Variants in MMP28 observed in about 807,000 individuals in gnomAD.
MMP28 encodes matrix metalloproteinase-28.
In MMP28, 55 loss-of-function variants were observed where a neutral mutation model predicts 60.5. The observed-to-expected ratio is 0.91, with a 90% CI of 0.73 to 1.14. The LOEUF (loss-of-function observed/expected upper bound fraction) is 1.14, where lower values mean the gene tolerates loss of function less well. Among genes scored for constraint, MMP28 ranks in the 50% most tolerant of loss-of-function variants. The pLI is 0.00. For missense variants in MMP28, 686 were observed against 738.3 expected (o/e 0.93, Z 0.82); for synonymous variants, 318 against 312.5 (o/e 1.02, Z -0.18).
intron 1 of MMP28, among the ~76,000 whole-genome samples, chr17:35,793,161 C>A (rs1216207882): frequency 6.6e-6 from 1 of 152,162 alleles, no homozygotes; most frequent in Non-Finnish European, 1.5e-5. Flanking sequence ...AAAATATTTT[C>A]TTGTTCTCAG....
chr17:35,766,687 C>G lies in MMP28; in HGVS notation c.1376G>C (p.Trp459Ser), dbSNP rs531295060. ...EPYYPRSLQD[W>S]GGIPEEVSGA... ...GCTGACCTCCTCAGGGATGCCTCCC[C>G]AGTCCTGCAGACTTCGGGGGTAGTA... The change falls in exon 8 of 8, where the codon TGG (tryptophan) becomes TCG (serine). Residue 459 changes from tryptophan (W) to serine (S), a missense_variant. Physicochemically the swap from Trp to Ser is radical, Grantham distance 177 (BLOSUM62 -3). Coordinates refer to ENST00000605424, the MANE Select transcript of MMP28 (RefSeq NM_024302.5). The surrounding 1 kb of genome is among the most constrained non-coding windows in gnomAD (Gnocchi z 4.3). 190 of 1,608,008 alleles carry G rather than the reference C, an allele frequency of 1.2e-4. 2 individuals are homozygous for G. The South Asian group carries it at 1.3e-3, about 11-fold the overall frequency.
At chr17:35,763,833 G>A (rs1487094948), downstream of MMP28, 3 of 424,996 alleles carry the variant, frequency 7.1e-6, no homozygotes, top group Admixed American at 9.5e-5. Flanking sequence ...TGAGGCGGAG[G>A]TTGCAGTGAG....
downstream of MMP28, chr17:35,764,336 G>C (rs1329392075): frequency 1.4e-6 from 2 of 1,462,682 alleles, no homozygotes; most frequent in African/African-American, 2.9e-5. Flanking sequence ...GTGCCTGCGC[G>C]CTCCTCGACC....
chr17:35,769,919 G>A, intron 5 of MMP28, 148 bp downstream of exon 5: 1 of 1,079,694 alleles, frequency 9.3e-7, no homozygotes, highest in Non-Finnish European at 1.3e-6. Flanking sequence ...GAGGGGCATA[G>A]GGCTTTAGAA....
At chr17:35,774,331 G>A (rs1030225449) in intron 3 of MMP28, among the ~76,000 whole-genome samples, 1 of 152,118 alleles carries the variant, frequency 6.6e-6, no homozygotes, top group Non-Finnish European at 1.5e-5. Flanking sequence ...AACCTCAAGT[G>A]GAAGACTCGC....
In MMP28 at chr17:35,771,660, C is replaced by CT. The variant is rs1291242533; in HGVS notation, c.605-1349dup. On this transcript the variant is annotated intron_variant, in intron 4 of 7. Transcript: ENST00000605424. ...TTTTATTTTTATTATTTTATATATA[C>CT]TTTTGTTAAAGAAAATATACATACA... Among the ~76,000 whole-genome samples, 55 of 95,312 alleles carry CT rather than the reference C, an allele frequency of 5.8e-4. 1 individual carries two copies. The highest frequency in any genetic ancestry group is 2.0e-3 in the African/African-American group (50 of 25,070). 62.5% of individuals were successfully genotyped at this position (95,312 alleles called of 152,430 possible). A position where few individuals can be genotyped will look rare whatever the true frequency, so the allele number is the denominator to read the frequency against.
chr17:35,769,723 A>G (rs2086059320), intron 5 of MMP28, among the ~76,000 whole-genome samples: 1 of 138,180 alleles, frequency 7.2e-6, no homozygotes, highest in African/African-American at 2.7e-5. Flanking sequence ...AGGATTGGGT[A>G]TGGGTGATGG....
intron 7 of MMP28, among the ~76,000 whole-genome samples, chr17:35,767,430 C>T (rs1055245511): frequency 2.6e-5 from 4 of 152,252 alleles, no homozygotes; most frequent in Admixed American, 2.0e-4. Flanking sequence ...AAAAGTTAAG[C>T]GACACGTCCA....
chr17:35,782,822 T>A (rs1202949148), intron 1 of MMP28, among the ~76,000 whole-genome samples: 1 of 152,060 alleles, frequency 6.6e-6, no homozygotes, highest in Non-Finnish European at 1.5e-5. Context: ...ACAAATTATT[T>A]TTTTTTTTAA....
rs1281927857 is a variant in MMP28 at position 35,758,835 on chromosome 17, C to T, written c.266-2416G>A. On this transcript the variant is annotated intron_variant, in intron 2 of 2. Transcript: ENST00000615317. Reference sequence around the variant, plus strand: ...GCCTTGGGAAGAGGGGATGCACATCCTAAGGATGGATGGCAAAGGGCTACT... The same window carrying T: ...GCCTTGGGAAGAGGGGATGCACATCTTAAGGATGGATGGCAAAGGGCTACT... Among the ~76,000 whole-genome samples the T allele has an allele frequency of 2.0e-5, 3 of 152,094 alleles. No individual in the cohort carries two copies. In the East Asian group the frequency reaches 5.8e-4, roughly 29 times the overall value.
downstream of MMP28, among the ~76,000 whole-genome samples, chr17:35,761,974 GTTTCTTTTTCTTTC>G (rs1165827858): frequency 1.3e-5 from 2 of 152,030 alleles, no homozygotes; most frequent in Admixed American, 6.6e-5. Context: ...CAAAAGAAAC[GTTTCTTTTTCTTTC>G]TTTCTTTTTT....
rs199784926 is a variant in MMP28 at position 35,766,916 on chromosome 17, AG to A, written c.1169-23del. The A allele has an allele frequency of 1.3e-3, 2,001 of 1,556,166 alleles. 24 individuals are homozygous for A. In the African/African-American group the frequency reaches 0.025, roughly 19 times the overall value. On this transcript the variant is annotated intron_variant, in intron 7 of 7. Coordinates refer to ENST00000605424, the MANE Select transcript of MMP28 (RefSeq NM_024302.5). The surrounding 1 kb of genome is among the most constrained non-coding windows in gnomAD (Gnocchi z 4.3). ...CCCCCTGTGGGGAATTGGGAGAGCC[AG>A]GGTGAGCTGGAGGCTGTCACCCATT...
downstream of MMP28, chr17:35,764,009 G>A (rs1555602062): frequency 5.8e-6 from 9 of 1,539,388 alleles, no homozygotes; most frequent in East Asian, 2.2e-4. Context: ...GCCCGCAGGT[G>A]TGAAGACCCC....
At chr17:35,764,137 G>C, downstream of MMP28, 1 of 1,549,428 alleles carries the variant, frequency 6.5e-7, no homozygotes, top group Non-Finnish European at 8.7e-7. Flanking sequence ...ACAGCGCGAC[G>C]GAGGGCGAGG....
At chr17:35,776,265 G>T (rs952100561) in intron 3 of MMP28, among the ~76,000 whole-genome samples, 1 of 151,810 alleles carries the variant, frequency 6.6e-6, no homozygotes, top group African/African-American at 2.4e-5. Flanking sequence ...TCTACCTCCC[G>T]GGTTCAAGGA....
chr17:35,770,539 C>G (rs963428232), intron 4 of MMP28, among the ~76,000 whole-genome samples: 1 of 152,214 alleles, frequency 6.6e-6, no homozygotes, highest in South Asian at 2.1e-4. Flanking sequence ...CTAAGAGGCA[C>G]TGTGGTGTAG....
rs370806648 is a variant in MMP28 at position 35,770,222 on chromosome 17, C to A, written c.695G>T (p.Arg232Leu). ...GTGCGCCAGCACCACGAACAGGTTG[C>A]GCCCGCGGCGGCGGCTCAGGGACCA... is the stretch of plus-strand genomic sequence containing the variant. ...ERWSLSRRRG[R>L]NLFVVLAHEI... The change falls in exon 5 of 8, where the codon CGC becomes CTC. Residue 232 changes from arginine to leucine, a missense_variant. Transcript: ENST00000605424. 2.0e-5 allele frequency: 32 copies of A among 1,597,078 alleles called. No homozygotes were observed. In the African/African-American group the frequency reaches 4.0e-4, roughly 20 times the overall value.
downstream of MMP28, among the ~76,000 whole-genome samples, chr17:35,763,152 G>C (rs894641026): frequency 1.3e-5 from 2 of 151,486 alleles, no homozygotes; most frequent in Non-Finnish European, 2.9e-5. Flanking sequence ...GGATCAGTAA[G>C]CCAGGGGAGG....
chr17:35,773,469 C>G, intron 3 of MMP28, 65 bp from the exon 4 acceptor site: 2 of 1,408,512 alleles, frequency 1.4e-6, no homozygotes, highest in Non-Finnish European at 1.9e-6. Flanking sequence ...CCCCACAGAC[C>G]CAGTAGGATG....
Sources: allele counts gnomAD v4.1 joint callset (sites outside exome capture counted in the v4.1 genomes callset), GRCh38; gene constraint gnomAD v4.1.1; non-coding constraint Gnocchi (gnomAD v3.1); transcripts MANE v1.5; gene names NCBI Gene and HGNC (gene_info 2026-07-23, HGNC 2026-07-21).